SLTM: variants seen among roughly 807,000 people sequenced by gnomAD.
SLTM encodes the protein SAFB-like transcription modulator.
SLTM carries 43 observed loss-of-function variants against 134.6 expected under a neutral mutation model. The ratio of observed to expected loss-of-function variants is 0.32; its 90% CI spans 0.25 to 0.41. The LOEUF (loss-of-function observed/expected upper bound fraction) is 0.41, where lower values mean the gene tolerates loss of function less well. Ranked by LOEUF, SLTM falls within the 10% of genes least tolerant of loss-of-function variation. SLTM has a pLI of 1.00. For synonymous variants in SLTM, 424 were observed against 432.3 expected (o/e 0.98, Z 0.24); for missense variants, 1,055 against 1,288.8 (o/e 0.82, Z 2.78).
Position 58,880,082 on chromosome 15 carries a change from C to T in SLTM, c.3022G>A (p.Val1008Ile). The T allele has an allele frequency of 1.2e-6, 2 of 1,613,772 alleles. No homozygotes were observed. Among genetic ancestry groups the T allele is most frequent in the Non-Finnish European group, 1.7e-6 (2 of 1,179,872 alleles). The change falls in exon 21 of 21, where the codon GTA becomes ATA. Residue 1008 changes from valine to isoleucine, a missense_variant. Val to Ile is a conservative substitution (Grantham distance 29, BLOSUM62 3). Coordinates refer to ENST00000380516, the MANE Select transcript of SLTM (RefSeq NM_024755.4). ...SSNASPINRI[V>I]QISGNSMPRG... is the part of the protein sequence containing the mutation. ...GGCATGGAATTGCCACTGATTTGTA[C>T]AATTCTATTAATTGGGGATGCGTTA...
intron 4 of SLTM, 58 bp downstream of exon 4, chr15:58,913,441 T>C: frequency 7.2e-7 from 1 of 1,391,244 alleles, no homozygotes; most frequent in Non-Finnish European, 9.7e-7. Context: ...AAAAATACTT[T>C]TTATTATTTA....
intron 14 of SLTM, among the ~76,000 whole-genome samples, chr15:58,891,663 G>T (rs1217538313): frequency 6.6e-6 from 1 of 152,086 alleles, no homozygotes; most frequent in East Asian, 1.9e-4. Context: ...TCTAAATAGG[G>T]ATGCAAACAT....
At chr15:58,922,399 A>G (rs1199355290) in intron 2 of SLTM, among the ~76,000 whole-genome samples, 10 of 139,666 alleles carry the variant, frequency 7.2e-5, no homozygotes, top group African/African-American at 2.6e-4. Context: ...AAAAAAAAAA[A>G]GCTATAATGT....
intron 2 of SLTM, among the ~76,000 whole-genome samples, chr15:58,920,627 T>TAATAAATAAATAAATAAATA (rs71119418): frequency 6.4e-5 from 9 of 139,720 alleles, no homozygotes; most frequent in East Asian, 2.1e-4. Flanking sequence ...CATCTCAAAA[T>TAATAAATAAATAAATAAATA]AATAAATAAA....
At chr15:58,909,224 C>T (rs2036085903) in intron 5 of SLTM, among the ~76,000 whole-genome samples, 1 of 152,134 alleles carries the variant, frequency 6.6e-6, no homozygotes, top group East Asian at 1.9e-4. Flanking sequence ...GACTCAAGAG[C>T]CAACTTGATG....
intron 2 of SLTM, among the ~76,000 whole-genome samples, chr15:58,928,409 A>G (rs1309076280): frequency 2.0e-5 from 3 of 152,216 alleles, no homozygotes; most frequent in African/African-American, 7.2e-5. Context: ...AGTTCATAAC[A>G]AAGAGAGTGT....
Position 58,912,556 on chromosome 15 carries a change from A to G in SLTM, c.561+7T>C, listed in dbSNP as rs755760079. 3 of 1,612,342 alleles carry G rather than the reference A, an allele frequency of 1.9e-6. No individual in the cohort carries two copies. The highest frequency in any genetic ancestry group is 2.5e-6 in the Non-Finnish European group (3 of 1,178,844). On this transcript the variant is annotated splice_region_variant and intron_variant, in intron 5 of 20. Transcript: ENST00000380516. The stretch of plus-strand genomic sequence containing the variant: ...TATCGAATTCATAGGACTAAATGTA[A>G]ACTTACTTGGGCTGTTAGAAAGGTA...
At chr15:58,921,699 T>G (rs750176362) in intron 2 of SLTM, 8 of 257,166 alleles carry the variant, frequency 3.1e-5, no homozygotes, top group Non-Finnish European at 5.8e-5. Flanking sequence ...ACTGCTTTCA[T>G]AATTGGCAAC....
In SLTM at chr15:58,899,271, G is replaced by GC; in HGVS notation, c.1058+197dup. 2.0e-6 allele frequency: 1 copy of GC among 494,792 alleles called. No individual in the cohort carries two copies. Among genetic ancestry groups the GC allele is most frequent in the Admixed American group, 3.8e-5 (1 of 26,604 alleles). The allele number at this position is 494,792 out of a possible 1,614,324, so 30.7% of individuals were successfully genotyped here. On this transcript the variant is annotated intron_variant, in intron 7 of 20. Transcript: ENST00000380516. The surrounding 1 kb of genome is among the most constrained non-coding windows in gnomAD (Gnocchi z 5.0). ...CAAATATATGCTGACATTCGACAAT[G>GC]CAATCAGTAGAACACACTGCATTAT...
intron 14 of SLTM, among the ~76,000 whole-genome samples, chr15:58,892,619 GA>G (rs2034750620): frequency 6.6e-6 from 1 of 152,062 alleles, no homozygotes. Flanking sequence ...GTGGCCATTG[GA>G]AGAGTCATTT....
intron 4 of SLTM, 61 bp downstream of exon 4, chr15:58,913,438 C>CT: frequency 2.9e-6 from 4 of 1,364,880 alleles, no homozygotes. Context: ...GAAAAAAATA[C>CT]TTTTTATTAT....
rs1286047135 is a variant in SLTM, at chr15:58,903,967, CTTTT to C, written c.562-2684_562-2681del. On this transcript the variant is annotated intron_variant, in intron 5 of 20. Transcript: ENST00000380516. The stretch of plus-strand genomic sequence containing the variant: ...CAAAAGTACATTTGGATAATAATTT[CTTTT>C]TTTAAGTATTTTCTCTCTCTCTTTC... Among the ~76,000 whole-genome samples, 7 of 152,274 alleles carry C rather than the reference CTTTT, an allele frequency of 4.6e-5. No homozygotes were observed. The South Asian group carries it at 1.0e-3, about 23-fold the overall frequency.
intron 5 of SLTM, among the ~76,000 whole-genome samples, chr15:58,905,209 C>T (rs2035789691): frequency 6.6e-6 from 1 of 152,038 alleles, no homozygotes; most frequent in Non-Finnish European, 1.5e-5. Flanking sequence ...GTCCAATTTG[C>T]AATATTTGGA....
At chr15:58,898,320 T>G (rs1393564781) in intron 8 of SLTM, 3 of 152,274 alleles carry the variant, frequency 2.0e-5, no homozygotes, top group African/African-American at 7.2e-5. Flanking sequence ...CAGAGATTTC[T>G]CAGTATCAGA....
At chr15:58,919,316 T>G (rs1448266391) in intron 2 of SLTM, among the ~76,000 whole-genome samples, 1 of 152,168 alleles carries the variant, frequency 6.6e-6, no homozygotes, top group African/African-American at 2.4e-5. Context: ...CAAATCCTGC[T>G]GGAAGCGGTG....
intron 12 of SLTM, among the ~76,000 whole-genome samples, 176 bp downstream of exon 12, chr15:58,893,645 G>A (rs1488143959): frequency 6.6e-6 from 1 of 152,134 alleles, no homozygotes; most frequent in African/African-American, 2.4e-5. Context: ...GAATACATTT[G>A]TTTGTTTCCC....
chr15:58,924,001 G>C (rs1046329231), intron 2 of SLTM, among the ~76,000 whole-genome samples: 2 of 151,816 alleles, frequency 1.3e-5, no homozygotes, highest in East Asian at 3.9e-4. Context: ...TTTTAATAGA[G>C]ACAGGGTTTC....
chr15:58,894,402 C>A (rs767535395), intron 10 of SLTM, 31 bp downstream of exon 10: 3 of 1,612,328 alleles, frequency 1.9e-6, no homozygotes, highest in Non-Finnish European at 2.5e-6. Context: ...TCAAATTAGA[C>A]TTGCTTTGAT....
chr15:58,907,930 A>C (rs186066075), intron 5 of SLTM, among the ~76,000 whole-genome samples: 1 of 152,088 alleles, frequency 6.6e-6, no homozygotes, highest in African/African-American at 2.4e-5. Context: ...GCTAATGCCT[A>C]AAGATTTTAA....
Sources: gnomAD v4.1 joint callset for allele counts (sites outside exome capture counted in the v4.1 genomes callset) on GRCh38, gnomAD v4.1.1 for gene constraint, Gnocchi (gnomAD v3.1) non-coding constraint, MANE v1.5 for transcripts, NCBI Gene and HGNC (gene_info 2026-07-23, HGNC 2026-07-21) for gene names.